Variants in GARRE1 observed in about 807,000 individuals in gnomAD.
The protein encoded by GARRE1 is granule associated Rac and RHOG effector 1, also known as granule associated Rac and RHOG effector protein 1.
Under a neutral mutation model 103.2 loss-of-function variants are expected in GARRE1, and 49 were observed. The observed-to-expected ratio is 0.47, with a 90% CI of 0.38 to 0.60. GARRE1 has a LOEUF of 0.60. Among genes scored for constraint, GARRE1 ranks in the 20% least tolerant of loss-of-function variants. The probability of loss-of-function intolerance (pLI) is 0.00; values close to 1 mark genes in which losing one functional copy is unlikely to be tolerated. For missense variants in GARRE1, 1,199 were observed against 1,370.5 expected, an observed-to-expected ratio of 0.87 and a Z score of 1.98; for synonymous variants, 505 against 532.8, an observed-to-expected ratio of 0.95 and a Z score of 0.72.
At chr19:34,298,161 G>A (rs1349516259) in intron 1 of GARRE1, among the ~76,000 whole-genome samples, 1 of 152,222 alleles carries the variant, frequency 6.6e-6, no homozygotes, top group Non-Finnish European at 1.5e-5. Flanking sequence ...GCTCATGCCT[G>A]TAATCTCAGC....
chr19:34,288,708 G>C (rs558452446), intron 1 of GARRE1, among the ~76,000 whole-genome samples: 46 of 152,370 alleles, frequency 3.0e-4, no homozygotes, highest in Non-Finnish European at 5.6e-4. Flanking sequence ...TCAGTGGGAA[G>C]TATTAAAGAG....
At chr19:34,315,630 G>T (rs536826400) in intron 2 of GARRE1, among the ~76,000 whole-genome samples, 2 of 138,188 alleles carry the variant, frequency 1.4e-5, no homozygotes, top group African/African-American at 5.4e-5. Flanking sequence ...AGAATGGCAT[G>T]AACCCGCGAG....
At chr19:34,311,381 G>C (rs1268861518) in intron 2 of GARRE1, among the ~76,000 whole-genome samples, 1 of 152,062 alleles carries the variant, frequency 6.6e-6, no homozygotes, top group Non-Finnish European at 1.5e-5. Flanking sequence ...AGGGGAAATT[G>C]GTGCTCCCTC....
At chr19:34,278,947 G>T (rs2060954808) in intron 1 of GARRE1, among the ~76,000 whole-genome samples, 1 of 152,144 alleles carries the variant, frequency 6.6e-6, no homozygotes, top group South Asian at 2.1e-4. Context: ...AGGATTACAG[G>T]CATGAGCCAC....
chr19:34,278,064 A>G (rs190717718), intron 1 of GARRE1, among the ~76,000 whole-genome samples: 3 of 152,076 alleles, frequency 2.0e-5, no homozygotes, highest in African/African-American at 2.4e-5. Flanking sequence ...AACCATTTTT[A>G]TTATACATTT....
chr19:34,287,034 G>A (rs1385487671), intron 1 of GARRE1, among the ~76,000 whole-genome samples: 1 of 151,576 alleles, frequency 6.6e-6, no homozygotes, highest in African/African-American at 2.4e-5. Flanking sequence ...AGCTACTCAG[G>A]AGGCTGAGGC....
intron 3 of GARRE1, among the ~76,000 whole-genome samples, chr19:34,322,868 G>A (rs1387857473): frequency 1.3e-5 from 2 of 152,054 alleles, no homozygotes; most frequent in African/African-American, 4.8e-5. Flanking sequence ...GATTACAGGT[G>A]TGAGTCACCC....
intron 13 of GARRE1, 104 bp downstream of exon 13, chr19:34,351,696 T>C (rs1599786429): frequency 1.2e-6 from 1 of 814,818 alleles, no homozygotes; most frequent in East Asian, 2.7e-5. Flanking sequence ...GTGATTAATT[T>C]TGTGTAAATG....
chr19:34,319,870 C>T, intron 2 of GARRE1, 37 bp from the exon 3 acceptor site: 1 of 1,590,856 alleles, frequency 6.3e-7, no homozygotes, highest in Non-Finnish European at 8.6e-7. Flanking sequence ...AACAGCAACC[C>T]ACAACCTAAA....
chr19:34,260,856 G>A (rs2073713158), intron 1 of GARRE1, among the ~76,000 whole-genome samples: 1 of 152,226 alleles, frequency 6.6e-6, no homozygotes, highest in Admixed American at 6.5e-5. Context: ...TTTGTAGCTG[G>A]AAAGCTTAAA....
Position 34,325,806 on chromosome 19 carries a change from G to C in GARRE1, c.706-1615G>C, listed in dbSNP as rs532819003. 3.3e-5 allele frequency among the ~76,000 whole-genome samples: 5 copies of C among 152,206 alleles called. No homozygotes were observed. The South Asian group carries it at 1.0e-3, about 32-fold the overall frequency. ...TCGCTCACTGGGCTCTAGTTCCTTG[G>C]ATGTGTCTTTCTTTGTTACCTTGGA... is the stretch of plus-strand genomic sequence containing the variant. On this transcript the variant is annotated intron_variant, in intron 3 of 13. Coordinates refer to ENST00000299505, the MANE Select transcript of GARRE1 (RefSeq NM_014686.5).
intron 1 of GARRE1, among the ~76,000 whole-genome samples, chr19:34,288,346 CT>C (rs2073898699): frequency 6.6e-6 from 1 of 152,176 alleles, no homozygotes; most frequent in South Asian, 2.1e-4. Context: ...AACTGTGACT[CT>C]TCCCCCACCA....
At chr19:34,266,895 T>A (rs1049814868) in intron 1 of GARRE1, among the ~76,000 whole-genome samples, 1 of 152,166 alleles carries the variant, frequency 6.6e-6, no homozygotes, top group Non-Finnish European at 1.5e-5. Context: ...TACTTGTTTT[T>A]TTTTCCTCCA....
chr19:34,345,860 T>C (rs1204640397), intron 10 of GARRE1, among the ~76,000 whole-genome samples: 1 of 152,238 alleles, frequency 6.6e-6, no homozygotes, highest in East Asian at 1.9e-4. Context: ...AAGAATGTTA[T>C]CATATTTGAC....
intron 2 of GARRE1, among the ~76,000 whole-genome samples, chr19:34,313,450 C>G (rs1364570910): frequency 6.6e-6 from 1 of 152,202 alleles, no homozygotes; most frequent in Non-Finnish European, 1.5e-5. Context: ...TGTGCAGATA[C>G]AGCCGGCTGG....
intron 3 of GARRE1, among the ~76,000 whole-genome samples, chr19:34,325,302 G>T (rs1005289400): frequency 6.6e-6 from 1 of 152,138 alleles, no homozygotes; most frequent in Non-Finnish European, 1.5e-5. Context: ...GGGCTCAAAT[G>T]TGTGTGATCA....
At chr19:34,279,971 C>T (rs541652990) in intron 1 of GARRE1, among the ~76,000 whole-genome samples, 9 of 125,784 alleles carry the variant, frequency 7.2e-5, no homozygotes, top group African/African-American at 1.7e-4. Context: ...GGCGACAGAG[C>T]GAGACTCCGT....
chr19:34,274,322 T>C (rs2073804556), intron 1 of GARRE1, among the ~76,000 whole-genome samples: 2 of 151,998 alleles, frequency 1.3e-5, no homozygotes, highest in Non-Finnish European at 2.9e-5. Context: ...GGAGAATCGC[T>C]TGAACCCAGG....
At position 34,299,886 on chromosome 19, in the gene GARRE1, T is replaced by C. The variant is rs76092094; in HGVS notation, c.-588T>C. 1 of 152,156 alleles carries C rather than the reference T, an allele frequency of 6.6e-6. No homozygotes were observed. Among genetic ancestry groups the C allele is most frequent in the East Asian group, 1.9e-4 (1 of 5,204 alleles). The allele number at this position is 152,156 out of a possible 1,614,324, so 9.4% of individuals were successfully genotyped here. Reference sequence around the variant, plus strand: ...GTTTTCAGGAAACATTAGAGGAAATTTGGAGAATTTCAGCATTGCATAGAA... The same window carrying C: ...GTTTTCAGGAAACATTAGAGGAAATCTGGAGAATTTCAGCATTGCATAGAA... On this transcript the variant is annotated 5_prime_UTR_variant, in exon 2 of 14. Transcript: ENST00000299505.
Sources: allele counts gnomAD v4.1 joint callset (sites outside exome capture counted in the v4.1 genomes callset), GRCh38; gene constraint gnomAD v4.1.1; transcripts MANE v1.5; gene names NCBI Gene and HGNC (gene_info 2026-07-23, HGNC 2026-07-21).